SUCLG2: variants seen among roughly 807,000 people sequenced by gnomAD.
SUCLG2 encodes succinate-CoA ligase GDP-forming subunit beta, also known as succinate--CoA ligase [GDP-forming] subunit beta, mitochondrial.
A neutral mutation model predicts 47.9 loss-of-function variants in SUCLG2; 42 were observed. The observed-to-expected ratio is 0.88, with a 90% CI of 0.69 to 1.14. SUCLG2 has a LOEUF of 1.14. SUCLG2 is among the 50% of genes most tolerant of loss of function. The pLI is 0.00. For synonymous variants in SUCLG2, 195 were observed against 197.3 expected (o/e 0.99, Z 0.10); for missense variants, 571 against 525.9 (o/e 1.09, Z -0.84).
chr3:67,483,832 T>C (rs1704980286), intron 9 of SUCLG2, among the ~76,000 whole-genome samples: 1 of 152,210 alleles, frequency 6.6e-6, no homozygotes, highest in Non-Finnish European at 1.5e-5. Context: ...CAAGTCATTC[T>C]TGCTGTGGAA....
At position 67,400,277 on chromosome 3, in the gene SUCLG2, A is replaced by T. The variant is rs192930674; in HGVS notation, c.1183+454T>A. On this transcript the variant is annotated intron_variant, in intron 10 of 10. Transcript: ENST00000307227. Reference sequence around the variant, plus strand: ...TATAAAATATACCATAAAATATACAAATTATTTTTTAAGAGTTATTTTTTA... The same window carrying T: ...TATAAAATATACCATAAAATATACATATTATTTTTTAAGAGTTATTTTTTA... 9.2e-5 allele frequency among the ~76,000 whole-genome samples: 14 copies of T among 151,926 alleles called. No individual in the cohort carries two copies. In the East Asian group the frequency reaches 2.7e-3, roughly 29 times the overall value.
chr3:67,620,584 CAAAAAA>C (rs71109890), intron 1 of SUCLG2, among the ~76,000 whole-genome samples: 6 of 63,502 alleles, frequency 9.4e-5, no homozygotes, highest in African/African-American at 1.2e-4. Context: ...GACTCCATCT[CAAAAAA>C]AAAAAAAAAA....
intron 5 of SUCLG2, among the ~76,000 whole-genome samples, chr3:67,518,891 A>G (rs568727047): frequency 6.6e-6 from 1 of 152,310 alleles, no homozygotes; most frequent in Non-Finnish European, 1.5e-5. Context: ...AACTTTGAAA[A>G]CAGCTAGGTG....
rs528919457 is a variant in SUCLG2, at chr3:67,367,227, A to G, written c.1184-6459T>C. 7.9e-5 allele frequency among the ~76,000 whole-genome samples: 12 copies of G among 152,316 alleles called. No homozygotes were observed. The East Asian group carries it at 2.1e-3, about 27-fold the overall frequency. On this transcript the variant is annotated intron_variant, in intron 10 of 10. Transcript: ENST00000493112. ...TGAGATTTTTAAATGTTATTTGAAT[A>G]GATCAGCTTTAAAACAAACTTACTT...
chr3:67,539,113 G>A (rs930241998), intron 2 of SUCLG2, among the ~76,000 whole-genome samples: 1 of 152,188 alleles, frequency 6.6e-6, no homozygotes, highest in East Asian at 1.9e-4. Flanking sequence ...GGAGTGGTGA[G>A]AGAGGGCATC....
intron 2 of SUCLG2, among the ~76,000 whole-genome samples, chr3:67,545,044 A>T (rs1706827262): frequency 6.6e-6 from 1 of 152,206 alleles, no homozygotes; most frequent in African/African-American, 2.4e-5. Context: ...GCTAACTCTC[A>T]GATAAAACAG....
At chr3:67,492,428 C>G (rs979975618) in intron 9 of SUCLG2, among the ~76,000 whole-genome samples, 16 of 152,006 alleles carry the variant, frequency 1.1e-4, no homozygotes, top group Non-Finnish European at 7.4e-5. Flanking sequence ...AAACAAAAAC[C>G]CAAGGTTAAC....
At chr3:67,392,574 T>G (rs1702414528) in intron 10 of SUCLG2, among the ~76,000 whole-genome samples, 2 of 152,298 alleles carry the variant, frequency 1.3e-5, no homozygotes, top group African/African-American at 4.8e-5. Context: ...GTAATTGAAA[T>G]TTATCCCATG....
chr3:67,438,369 A>G (rs115743380), intron 9 of SUCLG2, among the ~76,000 whole-genome samples: 7,268 of 152,220 alleles, frequency 0.048, 227 homozygotes, highest in South Asian at 0.094. Flanking sequence ...AAAACAAGAA[A>G]TTACTAAGAT....
chr3:67,434,918 G>C (rs527567636), intron 9 of SUCLG2, among the ~76,000 whole-genome samples: 1 of 152,094 alleles, frequency 6.6e-6, no homozygotes, highest in African/African-American at 2.4e-5. Context: ...TTCTTTCTAC[G>C]TCTCAACTGT....
At chr3:67,485,753 A>G (rs1347092262) in intron 9 of SUCLG2, among the ~76,000 whole-genome samples, 1 of 152,242 alleles carries the variant, frequency 6.6e-6, no homozygotes, top group African/African-American at 2.4e-5. Flanking sequence ...AGTGAAAATA[A>G]CCTAAATTTG....
intron 10 of SUCLG2, chr3:67,376,484 G>A: frequency 1.0e-6 from 1 of 985,240 alleles, no homozygotes; most frequent in Non-Finnish European, 1.2e-6. Flanking sequence ...CTGCTTTTCT[G>A]CCATTTTAGA....
chr3:67,455,917 G>A (rs938892154), intron 9 of SUCLG2, among the ~76,000 whole-genome samples: 1 of 152,124 alleles, frequency 6.6e-6, no homozygotes, highest in African/African-American at 2.4e-5. Flanking sequence ...TTGTGCCCAA[G>A]GCTCTTCAAA....
chr3:67,642,916 C>CTGTG (rs1491202290), intron 1 of SUCLG2, among the ~76,000 whole-genome samples: 1,613 of 120,134 alleles, frequency 0.013, 32 homozygotes, highest in African/African-American at 0.042. Context: ...CAGAAAAGGA[C>CTGTG]TCTGTGTGTG....
At chr3:67,490,282 A>G (rs1184786141) in intron 9 of SUCLG2, among the ~76,000 whole-genome samples, 1 of 152,212 alleles carries the variant, frequency 6.6e-6, no homozygotes, top group Non-Finnish European at 1.5e-5. Context: ...AATATGAGAC[A>G]GCACAAGTGA....
intron 9 of SUCLG2, among the ~76,000 whole-genome samples, chr3:67,429,073 A>C (rs1703389239): frequency 6.6e-6 from 1 of 152,214 alleles, no homozygotes; most frequent in Non-Finnish European, 1.5e-5. Context: ...AAGGCAGGCC[A>C]ACATTCAGAT....
At chr3:67,394,877 T>C (rs11920754) in intron 10 of SUCLG2, among the ~76,000 whole-genome samples, 37,007 of 151,744 alleles carry the variant, frequency 0.24, 5,109 homozygotes, top group African/African-American at 0.37. Flanking sequence ...TCAACATTCT[T>C]AAAGAAAAGA....
intron 9 of SUCLG2, among the ~76,000 whole-genome samples, chr3:67,412,900 C>T (rs1484486799): frequency 6.6e-6 from 1 of 152,158 alleles, no homozygotes; most frequent in Non-Finnish European, 1.5e-5. Context: ...ACCCAGCTTG[C>T]TCTTGGGAAA....
intron 10 of SUCLG2, among the ~76,000 whole-genome samples, chr3:67,396,524 T>C (rs1702534217): frequency 6.6e-6 from 1 of 152,198 alleles, no homozygotes; most frequent in Non-Finnish European, 1.5e-5. Context: ...ATTGTGGCAA[T>C]AATCAATAGC....
Sources: gnomAD v4.1 joint callset for allele counts (sites outside exome capture counted in the v4.1 genomes callset) on GRCh38, gnomAD v4.1.1 for gene constraint, MANE v1.5 for transcripts, NCBI Gene and HGNC (gene_info 2026-07-23, HGNC 2026-07-21) for gene names.